SLC2A9: variants seen among roughly 807,000 people sequenced by gnomAD.
SLC2A9 encodes solute carrier family 2 member 9, also known as solute carrier family 2, facilitated glucose transporter member 9.
A neutral mutation model predicts 50.6 loss-of-function variants in SLC2A9; 39 were observed. That is an observed-to-expected ratio of 0.77 (90% confidence interval 0.60 to 1.01). SLC2A9 has a LOEUF of 1.01. Among genes scored for constraint, SLC2A9 ranks in the 50% least tolerant of loss-of-function variants. The pLI is 0.00. For synonymous variants in SLC2A9, 324 were observed against 276.9 expected (o/e 1.17, Z -1.69); for missense variants, 686 against 677.6 (o/e 1.01, Z -0.14).
rs1481814683 is a variant in SLC2A9, at chr4:9,887,582, A to G, written c.1276T>C (p.Phe426Leu). Residue 426 changes from phenylalanine (F) to leucine (L), a missense_variant, in exon 10 of 12, where the codon TTC (phenylalanine) becomes CTC (leucine). Coordinates refer to ENST00000264784, the MANE Select transcript of SLC2A9 (RefSeq NM_020041.3). Reference sequence around the variant, plus strand: ...GGTGCCTTACCTGGCCCACTGCAGAAAGAGGCGATGATGGCCAGAATGCCC... The same window carrying G: ...GGTGCCTTACCTGGCCCACTGCAGAGAGAGGCGATGATGGCCAGAATGCCC... ...IVGILAIIAS[F>L]CSGPGGIPFI... is the part of the protein sequence containing the mutation. 6.4e-7 allele frequency: 1 copy of G among 1,567,730 alleles called. No homozygotes were observed. Among genetic ancestry groups the G allele is most frequent in the African/African-American group, 1.4e-5 (1 of 73,486 alleles).
upstream of SLC2A9, chr4:10,025,802 G>T: frequency 2.7e-6 from 3 of 1,121,066 alleles, no homozygotes; most frequent in Non-Finnish European, 4.0e-6. Context: ...TCTCTGCCCA[G>T]CTTCACCTTA....
intron 3 of SLC2A9, among the ~76,000 whole-genome samples, chr4:9,786,643 C>T (rs1402567003): frequency 6.6e-6 from 1 of 152,158 alleles, no homozygotes; most frequent in Non-Finnish European, 1.5e-5. Flanking sequence ...ATTAACCTCA[C>T]ATGTTATTAT....
At chr4:10,010,247 C>G (rs1761537468) in intron 2 of SLC2A9, among the ~76,000 whole-genome samples, 1 of 152,210 alleles carries the variant, frequency 6.6e-6, no homozygotes, top group South Asian at 2.1e-4. Flanking sequence ...CCCTGGTAGA[C>G]AACACTCTGT....
At chr4:10,011,448 A>G (rs570414635) in intron 2 of SLC2A9, among the ~76,000 whole-genome samples, 1 of 152,194 alleles carries the variant, frequency 6.6e-6, no homozygotes, top group Admixed American at 6.5e-5. Flanking sequence ...TCTGGCAATC[A>G]TCCCAGATGA....
chr4:9,852,247 C>CTT (rs34058781), intron 10 of SLC2A9, among the ~76,000 whole-genome samples: 1 of 140,868 alleles, frequency 7.1e-6, no homozygotes, highest in African/African-American at 2.6e-5. Context: ...ATCCAGTATT[C>CTT]TTTTTTTTTT....
At chr4:9,993,221 T>C (rs911980204) in intron 3 of SLC2A9, among the ~76,000 whole-genome samples, 2 of 152,220 alleles carry the variant, frequency 1.3e-5, no homozygotes, top group African/African-American at 2.4e-5. Flanking sequence ...TGTTTTCCTA[T>C]AGTTTCTTAT....
intron 3 of SLC2A9, among the ~76,000 whole-genome samples, chr4:9,818,532 G>A (rs1287513087): frequency 6.6e-6 from 1 of 152,244 alleles, no homozygotes; most frequent in African/African-American, 2.4e-5. Flanking sequence ...GAGGGAGTCA[G>A]TGGATGGAAA....
At chr4:9,847,402 G>A (rs540300085) in intron 10 of SLC2A9, among the ~76,000 whole-genome samples, 15 of 152,290 alleles carry the variant, frequency 9.8e-5, no homozygotes, top group South Asian at 6.2e-4. Context: ...AACCACCTCC[G>A]TGATCCAATC....
chr4:10,019,219 G>C (rs570462211), intron 1 of SLC2A9, 146 bp from the exon 2 acceptor site: 2 of 687,982 alleles, frequency 2.9e-6, no homozygotes, highest in African/African-American at 3.6e-5. Context: ...GAGAAGAGAC[G>C]CAAGTTGGGG....
At chr4:9,956,210 G>A (rs923675247) in intron 5 of SLC2A9, among the ~76,000 whole-genome samples, 17 of 151,872 alleles carry the variant, frequency 1.1e-4, no homozygotes, top group Admixed American at 1.1e-3. Context: ...TCGGCCGGGT[G>A]CAGTGGCTCA....
At chr4:9,802,374 G>A (rs1721544188) in intron 3 of SLC2A9, among the ~76,000 whole-genome samples, 1 of 151,736 alleles carries the variant, frequency 6.6e-6, no homozygotes, top group South Asian at 2.1e-4. Context: ...TGGGTCTGCA[G>A]GCTGGCCCCT....
intron 7 of SLC2A9, among the ~76,000 whole-genome samples, chr4:9,909,247 C>A (rs1393507330): frequency 6.6e-6 from 1 of 152,184 alleles, no homozygotes; most frequent in Non-Finnish European, 1.5e-5. Context: ...ACTGACTACA[C>A]TGGTTCTGTA....
intron 3 of SLC2A9, chr4:9,783,939 G>A: frequency 5.8e-6 from 1 of 171,246 alleles, no homozygotes; most frequent in South Asian, 2.0e-4. Flanking sequence ...GTGCTGGTGG[G>A]GGCCTCTTTA....
Position 9,887,863 on chromosome 4 carries a change from G to A in SLC2A9, c.1216-221C>T, listed in dbSNP as rs56399359. Among the ~76,000 whole-genome samples, 18,395 of 152,178 alleles carry A rather than the reference G, an allele frequency of 0.12. 1,296 individuals carry two copies. Among genetic ancestry groups the A allele is most frequent in the African/African-American group, 0.17 (7,064 of 41,512 alleles). On this transcript the variant is annotated intron_variant, in intron 9 of 11. Transcript: ENST00000264784. The stretch of plus-strand genomic sequence containing the variant: ...CATGATGAAATCAGATGAAGCCTGT[G>A]ATGAGTTTGACATAGTCCTGGCATA...
chr4:9,829,739 A>G (rs569126456), intron 11 of SLC2A9, among the ~76,000 whole-genome samples: 1 of 152,112 alleles, frequency 6.6e-6, no homozygotes, highest in African/African-American at 2.4e-5. Context: ...AGACATTCAT[A>G]TGGCCAAAAA....
At chr4:10,020,335 C>G (rs1272147345) in intron 1 of SLC2A9, among the ~76,000 whole-genome samples, 1 of 152,104 alleles carries the variant, frequency 6.6e-6, no homozygotes, top group Admixed American at 6.6e-5. Flanking sequence ...GAGCAAGTGA[C>G]TTGACTTTTC....
chr4:9,854,796 G>T (rs1730483833), intron 10 of SLC2A9, among the ~76,000 whole-genome samples: 1 of 152,122 alleles, frequency 6.6e-6, no homozygotes, highest in Non-Finnish European at 1.5e-5. Context: ...TGGGATGTAA[G>T]ATTCCTTTGA....
At chr4:10,025,323 A>C (rs1291811340), upstream of SLC2A9, among the ~76,000 whole-genome samples, 2 of 152,168 alleles carry the variant, frequency 1.3e-5, no homozygotes, top group Non-Finnish European at 2.9e-5. Flanking sequence ...CGCCTGTAAA[A>C]TAGGGCCAGT....
At chr4:9,789,124 G>T (rs543252476) in intron 3 of SLC2A9, among the ~76,000 whole-genome samples, 1 of 152,106 alleles carries the variant, frequency 6.6e-6, no homozygotes, top group Non-Finnish European at 1.5e-5. Flanking sequence ...CATTCATTTT[G>T]ATATCTAGCA....
Sources: gnomAD v4.1 joint callset for allele counts (sites outside exome capture counted in the v4.1 genomes callset) on GRCh38, gnomAD v4.1.1 for gene constraint, MANE v1.5 for transcripts, NCBI Gene and HGNC (gene_info 2026-07-23, HGNC 2026-07-21) for gene names.